PLCE1: variants seen among roughly 807,000 people sequenced by gnomAD.
PLCE1 encodes the protein phospholipase C epsilon 1, also known as 1-phosphatidylinositol 4,5-bisphosphate phosphodiesterase epsilon-1.
In PLCE1, 119 loss-of-function variants were observed where a neutral mutation model predicts 242.8. That is an observed-to-expected ratio of 0.49 (90% confidence interval 0.42 to 0.57). PLCE1 has a LOEUF of 0.57. Among genes scored for constraint, PLCE1 ranks in the 20% least tolerant of loss-of-function variants. The probability of loss-of-function intolerance (pLI) is 0.00; values close to 1 mark genes in which losing one functional copy is unlikely to be tolerated. For synonymous variants in PLCE1, 945 were observed against 1,017.4 expected (o/e 0.93, Z 1.35); for missense variants, 2,441 against 2,788.8 (o/e 0.88, Z 2.81).
intron 3 of PLCE1, among the ~76,000 whole-genome samples, chr10:94,164,914 TG>T (rs1482539503): frequency 6.6e-6 from 1 of 152,226 alleles, no homozygotes; most frequent in Non-Finnish European, 1.5e-5. Context: ...GGACCCTGTT[TG>T]CCTGGGTATC....
Position 94,318,671 on chromosome 10 carries a change from G to C in PLCE1, c.6342+1915G>C, listed in dbSNP as rs77572007. Among the ~76,000 whole-genome samples, 3 of 152,192 alleles carry C rather than the reference G, an allele frequency of 2.0e-5. No homozygotes were observed. The East Asian group carries it at 5.8e-4, about 29-fold the overall frequency. On this transcript the variant is annotated intron_variant, in intron 29 of 32. Transcript: ENST00000371380. ...GGAGCAGGAGGCAGTGGGTAGGCTA[G>C]AGGGAAGACAGGCTGGCTGCTGAGT...
rs139641418 is a variant in PLCE1 at position 94,239,812 on chromosome 10, C to CCACA, written c.2420+3702_2420+3705dup. Among the ~76,000 whole-genome samples, 1,399 of 152,054 alleles carry CCACA rather than the reference C, an allele frequency of 9.2e-3. 16 individuals are homozygous for CCACA. Among genetic ancestry groups the CCACA allele is most frequent in the African/African-American group, 0.031 (1,300 of 41,492 alleles). On this transcript the variant is annotated intron_variant, in intron 7 of 32. Coordinates refer to ENST00000371380, the MANE Select transcript of PLCE1 (RefSeq NM_016341.4). ...AAAAGATAATAGTTACCAGGATTAACCACACACACACACGTACGCATGTGG... is the reference window on the plus strand; with the variant it reads ...AAAAGATAATAGTTACCAGGATTAACCACACACACACACACACGTACGCATGTGG...
At chr10:94,179,512 G>GTTTTTTTTTTTTTTTTT (rs1554877545) in intron 4 of PLCE1, among the ~76,000 whole-genome samples, 303 of 19,294 alleles carry the variant, frequency 0.016, 31 homozygotes, top group African/African-American at 0.041. Context: ...TTTTAGTTTA[G>GTTTTTTTTTTTTTTTTT]TTTTTTTTTT....
At chr10:94,140,766 G>T (rs936597198) in intron 3 of PLCE1, among the ~76,000 whole-genome samples, 7 of 152,206 alleles carry the variant, frequency 4.6e-5, no homozygotes, top group African/African-American at 1.7e-4. Flanking sequence ...ACTAGGCAAG[G>T]AAGGCATGTG....
At chr10:94,294,032 G>A (rs12781422) in intron 23 of PLCE1, among the ~76,000 whole-genome samples, 25,648 of 152,118 alleles carry the variant, frequency 0.17, 2,265 homozygotes, top group Middle Eastern at 0.3. Flanking sequence ...GCTTAAGCCC[G>A]GAAGGCAGAG....
intron 20 of PLCE1, chr10:94,280,342 A>G (rs1167497568): frequency 5.5e-6 from 1 of 181,406 alleles, no homozygotes; most frequent in Non-Finnish European, 1.2e-5. Context: ...CTAGTAGTGA[A>G]AAGAAAGGAG....
intron 2 of PLCE1, among the ~76,000 whole-genome samples, chr10:94,054,998 C>T (rs978546018): frequency 7.6e-6 from 1 of 131,430 alleles, no homozygotes; most frequent in Non-Finnish European, 1.5e-5. Context: ...GGTGATAGAG[C>T]GAGACTCCAT....
chr10:94,102,879 C>T (rs1434627951), intron 2 of PLCE1, among the ~76,000 whole-genome samples: 1 of 152,170 alleles, frequency 6.6e-6, no homozygotes. Context: ...GCCCTGGAAT[C>T]TCTTCTGATG....
chr10:94,233,369 T>C (rs2050206374), intron 5 of PLCE1, among the ~76,000 whole-genome samples: 1 of 152,164 alleles, frequency 6.6e-6, no homozygotes, highest in Middle Eastern at 3.2e-3. Flanking sequence ...CCAAGAGTAA[T>C]ATTTAAAAGA....
chr10:94,180,441 G>A lies in PLCE1; in HGVS notation c.1809+8945G>A, dbSNP rs570095401. ...TCATTTCCACAGCACCAGGCAGAAG[G>A]CAGATTTCAGATTTTTGGCTTTTCA... On this transcript the variant is annotated intron_variant, in intron 4 of 32. Transcript: ENST00000371380. Among the ~76,000 whole-genome samples, 15 of 152,236 alleles carry A rather than the reference G, an allele frequency of 9.9e-5. No individual in the cohort carries two copies. The South Asian group carries it at 1.5e-3, about 15-fold the overall frequency.
chr10:94,271,640 A>G (rs775912653), intron 18 of PLCE1, among the ~76,000 whole-genome samples: 7 of 152,130 alleles, frequency 4.6e-5, no homozygotes, highest in African/African-American at 7.2e-5. Flanking sequence ...ACCACAGTAC[A>G]AAGATCCAAG....
intron 1 of PLCE1, among the ~76,000 whole-genome samples, chr10:94,009,129 A>G (rs2061112531): frequency 1.3e-5 from 2 of 152,200 alleles, no homozygotes; most frequent in African/African-American, 4.8e-5. Flanking sequence ...TGCAGACTGC[A>G]TAGGAAACAT....
rs372501153 is a variant in PLCE1 at position 94,187,146 on chromosome 10, A to ATGTGTGTGTGTGTG, written c.1809+15673_1809+15686dup. Among the ~76,000 whole-genome samples, 348 of 145,492 alleles carry ATGTGTGTGTGTGTG rather than the reference A, an allele frequency of 2.4e-3. 1 individual carries two copies. Among genetic ancestry groups the ATGTGTGTGTGTGTG allele is most frequent in the Admixed American group, 0.01 (150 of 14,394 alleles). ...GTGGCTAAGCCAAGATGAAACATAT[A>ATGTGTGTGTGTGTG]TGTGTGTGTGTGTGTGTGTGTGTGT... is the stretch of plus-strand genomic sequence containing the variant. On this transcript the variant is annotated intron_variant, in intron 4 of 32. Coordinates refer to ENST00000371380, the MANE Select transcript of PLCE1 (RefSeq NM_016341.4).
rs115291696 is a variant in PLCE1, at chr10:94,301,171, C to T, written c.5458+2502C>T. 2.4e-3 allele frequency among the ~76,000 whole-genome samples: 365 copies of T among 151,966 alleles called. 3 individuals carry two copies. Among genetic ancestry groups the T allele is most frequent in the African/African-American group, 8.5e-3 (351 of 41,442 alleles). On this transcript the variant is annotated intron_variant, in intron 24 of 32. Transcript: ENST00000371380. ...ACCAGCCTGGCCAACATGGTAAAACCCCATCTGTACTGAAATACAAAAACT... is the reference window on the plus strand; with the variant it reads ...ACCAGCCTGGCCAACATGGTAAAACTCCATCTGTACTGAAATACAAAAACT...
intron 3 of PLCE1, among the ~76,000 whole-genome samples, chr10:94,143,511 A>C (rs1026067632): frequency 6.6e-6 from 1 of 152,226 alleles, no homozygotes; most frequent in African/African-American, 2.4e-5. Context: ...CATTTATAGA[A>C]CATAATAAAA....
intron 2 of PLCE1, among the ~76,000 whole-genome samples, chr10:94,093,619 T>C (rs1487920861): frequency 6.6e-6 from 1 of 152,252 alleles, no homozygotes; most frequent in Non-Finnish European, 1.5e-5. Flanking sequence ...ACAGTCCCAC[T>C]GCCCAATTTG....
chr10:94,243,648 A>T (rs978429613), intron 7 of PLCE1, among the ~76,000 whole-genome samples: 5 of 152,218 alleles, frequency 3.3e-5, no homozygotes, highest in African/African-American at 4.8e-5. Flanking sequence ...CAGGTGACTG[A>T]GCATAACTAG....
intron 1 of PLCE1, among the ~76,000 whole-genome samples, chr10:94,011,775 T>C (rs956890962): frequency 4.6e-5 from 7 of 152,196 alleles, no homozygotes; most frequent in Admixed American, 1.3e-4. Flanking sequence ...CCTTTTTTTT[T>C]CTATGTGCAT....
intron 2 of PLCE1, among the ~76,000 whole-genome samples, chr10:94,050,101 A>G (rs1374179610): frequency 6.6e-6 from 1 of 152,156 alleles, no homozygotes; most frequent in African/African-American, 2.4e-5. Flanking sequence ...TGCCTGAGCT[A>G]GTTCCCTCTT....
Sources: allele counts gnomAD v4.1 joint callset (sites outside exome capture counted in the v4.1 genomes callset), GRCh38; gene constraint gnomAD v4.1.1; transcripts MANE v1.5; gene names NCBI Gene and HGNC (gene_info 2026-07-23, HGNC 2026-07-21).